Variants in VRK2 observed in about 807,000 individuals in gnomAD.
VRK2 encodes the protein serine/threonine-protein kinase VRK2.
A neutral mutation model predicts 57.6 loss-of-function variants in VRK2; 60 were observed. The ratio of observed to expected loss-of-function variants is 1.04; its 90% CI spans 0.85 to 1.29. The LOEUF (loss-of-function observed/expected upper bound fraction) is 1.29, where lower values mean the gene tolerates loss of function less well. VRK2 is among the 50% of genes most tolerant of loss of function. The pLI, the probability that VRK2 is intolerant of heterozygous loss-of-function variation, is 0.00. For synonymous variants in VRK2, 231 were observed against 199.2 expected, an observed-to-expected ratio of 1.16 and a Z score of -1.35; for missense variants, 705 against 588.1, an observed-to-expected ratio of 1.20 and a Z score of -2.06.
chr2:57,996,654 G>GA (rs1672932453), intron 1 of VRK2, among the ~76,000 whole-genome samples: 1 of 152,146 alleles, frequency 6.6e-6, no homozygotes. Context: ...GAAGTCTCTA[G>GA]ACTTTAGAAG....
chr2:57,931,556 C>T (rs1049572874), intron 1 of VRK2, among the ~76,000 whole-genome samples: 2 of 152,126 alleles, frequency 1.3e-5, no homozygotes, highest in Non-Finnish European at 2.9e-5. Context: ...TATATTATCT[C>T]ATTCCATAGT....
chr2:58,004,147 CTT>C lies in VRK2; in HGVS notation c.-438-21516_-438-21515del, dbSNP rs140073307. Among the ~76,000 whole-genome samples, 802 of 151,912 alleles carry C rather than the reference CTT, an allele frequency of 5.3e-3. 9 individuals are homozygous for C. Among genetic ancestry groups the C allele is most frequent in the African/African-American group, 0.018 (736 of 41,468 alleles). On this transcript the variant is annotated intron_variant, in intron 1 of 15. Transcript: ENST00000417641. ...TTCTCAATCTCTTGCTCTTTTTTCT[CTT>C]TGTCTCTTTTTCTTTCACGCATACA...
chr2:58,058,258 T>G (rs1035478753), intron 2 of VRK2: 3 of 440,708 alleles, frequency 6.8e-6, no homozygotes, highest in African/African-American at 6.2e-5. Context: ...GTCATTCTAT[T>G]TAACTTTTGG....
At chr2:58,157,282 G>C (rs897708697) in intron 12 of VRK2, among the ~76,000 whole-genome samples, 2 of 152,156 alleles carry the variant, frequency 1.3e-5, no homozygotes, top group Non-Finnish European at 2.9e-5. Flanking sequence ...AGTCGATTCT[G>C]ATGTGCATTC....
At chr2:58,099,379 C>T (rs976801134) in intron 7 of VRK2, among the ~76,000 whole-genome samples, 4 of 152,026 alleles carry the variant, frequency 2.6e-5, no homozygotes, top group African/African-American at 9.7e-5. Context: ...TGTGAGTGCT[C>T]AGGTCTCACT....
intron 1 of VRK2, among the ~76,000 whole-genome samples, chr2:57,923,567 T>C (rs1303186836): frequency 1.3e-5 from 2 of 151,980 alleles, no homozygotes; most frequent in African/African-American, 2.4e-5. Context: ...TGTCTGTTTT[T>C]AAATCAGATT....
intron 10 of VRK2, 62 bp downstream of exon 10, chr2:58,135,261 T>A: frequency 1.3e-6 from 2 of 1,593,194 alleles, no homozygotes; most frequent in South Asian, 2.2e-5. Flanking sequence ...TTTGTCGTTA[T>A]CGTTTGGTAG....
rs190635163 is a variant in VRK2, at chr2:58,071,753, G to A, written c.137-12336G>A. 2.3e-3 allele frequency among the ~76,000 whole-genome samples: 346 copies of A among 152,036 alleles called. 1 individual carries two copies. The highest frequency in any genetic ancestry group is 6.8e-3 in the African/African-American group (284 of 41,560). On this transcript the variant is annotated intron_variant, in intron 2 of 12. Transcript: ENST00000340157. ...CTCTGACTTTGTTCTTCAGTATTGT[G>A]TTTGCTGTTCTGGATCTTTTGCCTT...
At chr2:58,100,520 C>A (rs1376800802) in intron 7 of VRK2, among the ~76,000 whole-genome samples, 1 of 151,634 alleles carries the variant, frequency 6.6e-6, no homozygotes, top group Non-Finnish European at 1.5e-5. Flanking sequence ...GTTATTCTTT[C>A]CTTCCTTGTG....
At chr2:58,056,186 T>C (rs1392734134) in intron 2 of VRK2, among the ~76,000 whole-genome samples, 2 of 152,084 alleles carry the variant, frequency 1.3e-5, no homozygotes, top group Non-Finnish European at 2.9e-5. Context: ...AGACCAGCTG[T>C]GGCCAAGAGA....
Position 57,927,296 on chromosome 2 carries a change from A to C in VRK2, c.-439+19457A>C, listed in dbSNP as rs191072702. Among the ~76,000 whole-genome samples, 93 of 122,362 alleles carry C rather than the reference A, an allele frequency of 7.6e-4. No individual in the cohort carries two copies. The East Asian group carries it at 0.019, about 25-fold the overall frequency. 80.3% of individuals were successfully genotyped at this position (122,362 alleles called of 152,430 possible). On this transcript the variant is annotated intron_variant, in intron 1 of 15. Transcript: ENST00000417641. Reference sequence around the variant, plus strand: ...ATTTTAGTCTTTTTTTTTTTTTTTGAGATGAAGTCTCGCTCTATCGCCCAG... The same window carrying C: ...ATTTTAGTCTTTTTTTTTTTTTTTGCGATGAAGTCTCGCTCTATCGCCCAG...
intron 3 of VRK2, among the ~76,000 whole-genome samples, chr2:58,037,773 G>T (rs932812790): frequency 3.9e-5 from 6 of 152,058 alleles, no homozygotes; most frequent in Non-Finnish European, 8.8e-5. Context: ...TTCAGAAAAT[G>T]ATCAAACTGA....
intron 7 of VRK2, among the ~76,000 whole-genome samples, chr2:58,118,530 A>C (rs1360773341): frequency 1.3e-5 from 2 of 152,238 alleles, no homozygotes; most frequent in African/African-American, 4.8e-5. Flanking sequence ...GCTGGAGAAG[A>C]TAGTAAAAAG....
chr2:58,097,256 T>C (rs1673273102), intron 7 of VRK2, among the ~76,000 whole-genome samples: 1 of 152,140 alleles, frequency 6.6e-6, no homozygotes, highest in Non-Finnish European at 1.5e-5. Context: ...GAGTGGTGTT[T>C]AAACGTCTAC....
chr2:58,047,241 GGCC>G (rs1674942414), intron 1 of VRK2: 1 of 293,330 alleles, frequency 3.4e-6, no homozygotes, highest in Admixed American at 6.5e-5. Context: ...CAGGCGGCTG[GGCC>G]GCGCTGCTTC....
At chr2:57,910,450 G>A (rs1297825090) in intron 1 of VRK2, among the ~76,000 whole-genome samples, 1 of 152,148 alleles carries the variant, frequency 6.6e-6, no homozygotes, top group African/African-American at 2.4e-5. Flanking sequence ...ATGACCCCAA[G>A]AGAAATTCAT....
intron 1 of VRK2, among the ~76,000 whole-genome samples, chr2:57,990,455 T>C (rs527792575): frequency 5.9e-4 from 90 of 152,282 alleles, no homozygotes; most frequent in African/African-American, 2.0e-3. Context: ...AGGGTAAATA[T>C]TGTCCAGATG....
chr2:58,012,335 C>T (rs950051468), intron 1 of VRK2, among the ~76,000 whole-genome samples: 9 of 152,142 alleles, frequency 5.9e-5, no homozygotes, highest in African/African-American at 2.2e-4. Flanking sequence ...GCCCTGAATT[C>T]TTTCTTGCAT....
chr2:57,988,988 C>T (rs1249380973), intron 1 of VRK2, among the ~76,000 whole-genome samples: 1 of 151,860 alleles, frequency 6.6e-6, no homozygotes, highest in East Asian at 1.9e-4. Flanking sequence ...CCTGAAAATA[C>T]CAATTTCTTC....
Sources: gnomAD v4.1 joint callset for allele counts (sites outside exome capture counted in the v4.1 genomes callset) on GRCh38, gnomAD v4.1.1 for gene constraint, MANE v1.5 for transcripts, NCBI Gene and HGNC (gene_info 2026-07-23, HGNC 2026-07-21) for gene names.